The following SOX6 variants were observed in gnomAD, a reference collection of about 807,000 sequenced individuals.
The protein encoded by SOX6 is SRY-box transcription factor 6, also known as transcription factor SOX-6.
In SOX6, 11 loss-of-function variants were observed where a neutral mutation model predicts 97.8. The observed-to-expected ratio is 0.11, with a 90% CI of 0.07 to 0.19. The LOEUF is 0.19. SOX6 is among the 10% of genes least tolerant of loss of function. The pLI, the probability that SOX6 is intolerant of heterozygous loss-of-function variation, is 1.00. For missense variants in SOX6, 810 were observed against 1,039.5 expected (o/e 0.78, Z 3.04); for synonymous variants, 360 against 371.4 (o/e 0.97, Z 0.35).
At chr11:16,210,199 C>T (rs1419468642) in intron 4 of SOX6, among the ~76,000 whole-genome samples, 1 of 152,084 alleles carries the variant, frequency 6.6e-6, no homozygotes, top group East Asian at 1.9e-4. Flanking sequence ...ATGTTCATAG[C>T]AGCACTATTC....
intron 6 of SOX6, among the ~76,000 whole-genome samples, chr11:16,121,161 A>T (rs180921951): frequency 4.7e-4 from 71 of 152,190 alleles, no homozygotes; most frequent in African/African-American, 1.7e-3. Context: ...ATGTAGTCAA[A>T]AGTAATTACT....
chr11:16,173,059 T>C (rs1564997909), intron 6 of SOX6, among the ~76,000 whole-genome samples: 4 of 151,944 alleles, frequency 2.6e-5, no homozygotes, highest in African/African-American at 4.8e-5. Flanking sequence ...TGGAATTTAC[T>C]GTGTTCCAGG....
intron 4 of SOX6, among the ~76,000 whole-genome samples, chr11:16,517,845 C>G (rs550293821): frequency 3.9e-5 from 6 of 152,254 alleles, no homozygotes; most frequent in African/African-American, 1.4e-4. Flanking sequence ...GGTTCATTTC[C>G]AAATGAAATA....
rs143957315 is a variant in SOX6 at position 16,503,827 on chromosome 11, G to A, written n.610-27439C>T. Among the ~76,000 whole-genome samples, 374 of 152,138 alleles carry A rather than the reference G, an allele frequency of 2.5e-3. 1 individual carries two copies. The highest frequency in any genetic ancestry group is 7.2e-3 in the African/African-American group (299 of 41,506). Reference sequence around the variant, plus strand: ...TGGGAGGCCAAGGTGGGCAGATCACGAGGTCAGGAGATTGAAACCATCCTG... The same window carrying A: ...TGGGAGGCCAAGGTGGGCAGATCACAAGGTCAGGAGATTGAAACCATCCTG... On this transcript the variant is annotated intron_variant and non_coding_transcript_variant, in intron 4 of 5. Transcript: ENST00000524520.
chr11:16,384,186 C>T (rs1421351861), intron 1 of SOX6, among the ~76,000 whole-genome samples: 1 of 147,208 alleles, frequency 6.8e-6, no homozygotes, highest in East Asian at 2.0e-4. Context: ...TTTTAATTAT[C>T]TTCTTTAACC....
chr11:16,285,993 C>T (rs1854729012), intron 3 of SOX6, among the ~76,000 whole-genome samples: 1 of 152,014 alleles, frequency 6.6e-6, no homozygotes, highest in Non-Finnish European at 1.5e-5. Context: ...CTATTATATG[C>T]CTTATAAAAT....
chr11:16,011,057 C>T (rs1159789711), intron 13 of SOX6, among the ~76,000 whole-genome samples: 2 of 152,024 alleles, frequency 1.3e-5, no homozygotes, highest in African/African-American at 2.4e-5. Flanking sequence ...CTCAAATCTC[C>T]CATTAAACAG....
At position 16,582,697 on chromosome 11, in the gene SOX6, A is replaced by T. The variant is rs191560092; in HGVS notation, n.609+29384T>A. ...GAAAACAATATGTCAACTTTGTGCC[A>T]ATATATTTTTTAAATCTAGATAAAA... On this transcript the variant is annotated intron_variant and non_coding_transcript_variant, in intron 4 of 5. Coordinates refer to the SOX6 transcript ENST00000524520. Among the ~76,000 whole-genome samples the T allele has an allele frequency of 3.9e-3, 591 of 152,278 alleles. 3 individuals carry two copies. Among genetic ancestry groups the T allele is most frequent in the African/African-American group, 0.014 (572 of 41,580 alleles).
chr11:16,109,848 C>G (rs2133992424), intron 7 of SOX6, among the ~76,000 whole-genome samples: 1 of 152,202 alleles, frequency 6.6e-6, no homozygotes, highest in Admixed American at 6.5e-5. Context: ...GTAATTAAAA[C>G]TCTTCCTACA....
chr11:16,291,861 A>T (rs562647734), intron 3 of SOX6, among the ~76,000 whole-genome samples: 2 of 152,180 alleles, frequency 1.3e-5, no homozygotes, highest in Admixed American at 1.3e-4. Context: ...GCCTTTATGA[A>T]AATGGAAGGA....
intron 3 of SOX6, among the ~76,000 whole-genome samples, chr11:16,687,998 G>A (rs976401728): frequency 1.2e-4 from 18 of 151,132 alleles, no homozygotes; most frequent in African/African-American, 4.4e-4. Flanking sequence ...TTTGACACAG[G>A]GTCTCACTCT....
At chr11:16,164,247 G>T (rs1009786923) in intron 6 of SOX6, among the ~76,000 whole-genome samples, 4 of 152,040 alleles carry the variant, frequency 2.6e-5, no homozygotes, top group African/African-American at 7.2e-5. Flanking sequence ...AGGATTACAG[G>T]GGTGAGCCAC....
intron 3 of SOX6, among the ~76,000 whole-genome samples, chr11:16,247,453 C>A (rs1390256137): frequency 6.6e-6 from 1 of 152,076 alleles, no homozygotes; most frequent in Non-Finnish European, 1.5e-5. Flanking sequence ...CTGCCCGAGA[C>A]TGGGTAATTT....
chr11:16,348,773 G>A (rs541682318), intron 1 of SOX6, among the ~76,000 whole-genome samples: 1 of 152,260 alleles, frequency 6.6e-6, no homozygotes, highest in South Asian at 2.1e-4. Context: ...GAAAAGGACA[G>A]GCAGGATTCA....
intron 1 of SOX6, among the ~76,000 whole-genome samples, chr11:16,430,115 A>G (rs188160834): frequency 6.6e-6 from 1 of 152,298 alleles, no homozygotes; most frequent in East Asian, 1.9e-4. Context: ...CCTGGAACAC[A>G]TGTTCCTTCC....
At chr11:16,461,030 C>T (rs1055295162) in intron 1 of SOX6, among the ~76,000 whole-genome samples, 4 of 151,754 alleles carry the variant, frequency 2.6e-5, no homozygotes, top group Non-Finnish European at 4.4e-5. Context: ...CCCAGTCTTC[C>T]GTGGGAAGAA....
At chr11:16,673,171 A>G (rs1278897804) in intron 3 of SOX6, among the ~76,000 whole-genome samples, 1 of 152,200 alleles carries the variant, frequency 6.6e-6, no homozygotes, top group East Asian at 1.9e-4. Flanking sequence ...TAAAAAGAGA[A>G]AAACTTCAAA....
At position 16,194,211 on chromosome 11, in the gene SOX6, G is replaced by A. The variant is rs1028546440; in HGVS notation, c.536-7256C>T. Among the ~76,000 whole-genome samples, 8 of 152,188 alleles carry A rather than the reference G, an allele frequency of 5.3e-5. No homozygotes were observed. The East Asian group carries it at 5.8e-4, about 11-fold the overall frequency. ...GTTTTAAAAGCTTTCCACACTAAAT[G>A]GCCCTAGTGCATCATAAAGATAAAG... is the stretch of plus-strand genomic sequence containing the variant. On this transcript the variant is annotated intron_variant, in intron 4 of 15. Coordinates refer to ENST00000683767, the MANE Select transcript of SOX6 (RefSeq NM_001367873.1).
At chr11:16,349,699 AG>A (rs377724144) in intron 1 of SOX6, among the ~76,000 whole-genome samples, 16,217 of 72,180 alleles carry the variant, frequency 0.22, 1,185 homozygotes, top group South Asian at 0.28. Context: ...GAAGGAAGGA[AG>A]GAAGGAAGGA....
Sources: allele counts gnomAD v4.1 joint callset (sites outside exome capture counted in the v4.1 genomes callset), GRCh38; gene constraint gnomAD v4.1.1; transcripts MANE v1.5; gene names NCBI Gene and HGNC (gene_info 2026-07-23, HGNC 2026-07-21).